The following DGKB variants were observed in gnomAD, a reference collection of about 807,000 sequenced individuals.
DGKB encodes the protein 90 kDa diacylglycerol kinase.
DGKB carries 67 observed loss-of-function variants against 114.3 expected under a neutral mutation model. The ratio of observed to expected loss-of-function variants is 0.59; its 90% CI spans 0.48 to 0.72. DGKB has a LOEUF of 0.72. Among genes scored for constraint, DGKB ranks in the 30% least tolerant of loss-of-function variants. DGKB has a pLI of 0.00. For synonymous variants in DGKB, 398 were observed against 323.1 expected (o/e 1.23, Z -2.49); for missense variants, 907 against 975.2 (o/e 0.93, Z 0.93).
chr7:14,889,250 A>AT (rs1780796101), intron 1 of DGKB, among the ~76,000 whole-genome samples: 1 of 151,652 alleles, frequency 6.6e-6, no homozygotes, highest in South Asian at 2.1e-4. Context: ...ACACAAGGGC[A>AT]TATCCAAAGT....
At chr7:14,385,053 G>T (rs12699613) in intron 21 of DGKB, among the ~76,000 whole-genome samples, 67,578 of 151,952 alleles carry the variant, frequency 0.44, 17,137 homozygotes, top group East Asian at 0.57. Flanking sequence ...CTTTCTTGGT[G>T]GTGGAGGTTT....
At chr7:14,234,004 A>G (rs1792350596) in intron 23 of DGKB, among the ~76,000 whole-genome samples, 1 of 152,072 alleles carries the variant, frequency 6.6e-6, no homozygotes, top group Admixed American at 6.6e-5. Context: ...AAATAGTCCC[A>G]AATGCCTGGA....
intron 20 of DGKB, among the ~76,000 whole-genome samples, chr7:14,572,048 C>A (rs943662531): frequency 1.3e-5 from 2 of 152,086 alleles, no homozygotes; most frequent in African/African-American, 4.8e-5. Context: ...AGGGAAATAA[C>A]AAGCAAACAA....
chr7:14,455,910 T>C (rs925677103), intron 21 of DGKB, among the ~76,000 whole-genome samples: 2 of 152,032 alleles, frequency 1.3e-5, no homozygotes, highest in Admixed American at 6.6e-5. Flanking sequence ...CACTAGTGTT[T>C]TGTGTTTATA....
At chr7:14,861,544 C>G (rs1481143604) in intron 1 of DGKB, among the ~76,000 whole-genome samples, 1 of 151,818 alleles carries the variant, frequency 6.6e-6, no homozygotes, top group Non-Finnish European at 1.5e-5. Context: ...TCCCTTGTAC[C>G]TGCTATGCAG....
chr7:14,434,241 A>G (rs1180138572), intron 21 of DGKB, among the ~76,000 whole-genome samples: 1 of 152,172 alleles, frequency 6.6e-6, no homozygotes, highest in Non-Finnish European at 1.5e-5. Context: ...TGTGTTAGGC[A>G]GAAAGTCCTT....
chr7:14,318,934 A>G (rs1352115692), intron 23 of DGKB, among the ~76,000 whole-genome samples: 1 of 152,196 alleles, frequency 6.6e-6, no homozygotes, highest in Non-Finnish European at 1.5e-5. Context: ...TGGCACATAT[A>G]CACCATGGAA....
intron 20 of DGKB, among the ~76,000 whole-genome samples, chr7:14,519,270 T>C (rs1455530634): frequency 6.6e-6 from 1 of 152,044 alleles, no homozygotes; most frequent in African/African-American, 2.4e-5. Context: ...ACCACCAGCC[T>C]CAGGCAACCT....
chr7:14,415,149 T>A (rs1825509979), intron 21 of DGKB, among the ~76,000 whole-genome samples: 1 of 151,928 alleles, frequency 6.6e-6, no homozygotes, highest in Non-Finnish European at 1.5e-5. Flanking sequence ...TATAAATATA[T>A]TTCTATTCCT....
chr7:14,278,431 G>A (rs966208175), intron 23 of DGKB, among the ~76,000 whole-genome samples: 53 of 152,276 alleles, frequency 3.5e-4, no homozygotes, highest in Non-Finnish European at 7.2e-4. Context: ...GGGAAACCCG[G>A]ATATCCACGT....
chr7:14,507,523 C>A lies in DGKB; in HGVS notation c.1771-29298G>T, dbSNP rs145002560. ...ACCATAAAGTATATGAAGATATTTTCATTTTGTATTACACTTTGCACAGAA... is the reference window on the plus strand; with the variant it reads ...ACCATAAAGTATATGAAGATATTTTAATTTTGTATTACACTTTGCACAGAA... On this transcript the variant is annotated intron_variant, in intron 20 of 25. Transcript: ENST00000402815. Among the ~76,000 whole-genome samples, 1,099 of 152,170 alleles carry A rather than the reference C, an allele frequency of 7.2e-3. 14 individuals carry two copies. Among genetic ancestry groups the A allele is most frequent in the Non-Finnish European group, 9.7e-3 (658 of 67,994 alleles).
At chr7:14,452,186 A>G (rs1831627350) in intron 21 of DGKB, among the ~76,000 whole-genome samples, 1 of 152,126 alleles carries the variant, frequency 6.6e-6, no homozygotes, top group Non-Finnish European at 1.5e-5. Context: ...AAATATCTCA[A>G]GAGCAAATAA....
chr7:14,500,433 G>T (rs1407288526), intron 20 of DGKB, among the ~76,000 whole-genome samples: 1 of 150,242 alleles, frequency 6.7e-6, no homozygotes. Flanking sequence ...CTGGAGTAAG[G>T]GTTTAAGATA....
chr7:14,597,567 T>A (rs1802800481), intron 17 of DGKB, among the ~76,000 whole-genome samples: 1 of 152,182 alleles, frequency 6.6e-6, no homozygotes, highest in African/African-American at 2.4e-5. Context: ...ATAATTCAAG[T>A]TGTAGATTTC....
chr7:14,428,852 A>G lies in DGKB; in HGVS notation c.1835+49309T>C, dbSNP rs1827989736. On this transcript the variant is annotated intron_variant, in intron 21 of 25. Coordinates refer to ENST00000402815, the MANE Select transcript of DGKB (RefSeq NM_001350709.2). ...ACCCATGCTCATTCAGATGCTAGGA[A>G]AACAGGCTGAAAAGAGCAGAGAACA... Among the ~76,000 whole-genome samples, 2 of 152,132 alleles carry G rather than the reference A, an allele frequency of 1.3e-5. 1 individual carries two copies. Among genetic ancestry groups the G allele is most frequent in the South Asian group, 4.1e-4 (2 of 4,820 alleles).
intron 15 of DGKB, 189 bp downstream of exon 15, chr7:14,621,189 A>G: frequency 2.1e-6 from 1 of 486,942 alleles, no homozygotes; most frequent in East Asian, 3.6e-5. Context: ...GATTAATTTA[A>G]CCAGAATGTT....
intron 1 of DGKB, among the ~76,000 whole-genome samples, chr7:14,863,268 TTAATA>T (rs1851249712): frequency 6.6e-6 from 1 of 151,658 alleles, no homozygotes; most frequent in Non-Finnish European, 1.5e-5. Flanking sequence ...ACCAATTTTC[TTAATA>T]TAATAGTTTA....
intron 23 of DGKB, among the ~76,000 whole-genome samples, chr7:14,270,768 G>C (rs986898876): frequency 7.9e-5 from 12 of 152,308 alleles, no homozygotes; most frequent in African/African-American, 2.9e-4. Flanking sequence ...GTGAAGCCCT[G>C]TGCTGGAATT....
chr7:14,480,335 G>C (rs1409620766), intron 20 of DGKB, among the ~76,000 whole-genome samples: 1 of 152,084 alleles, frequency 6.6e-6, no homozygotes, highest in Non-Finnish European at 1.5e-5. Flanking sequence ...ACACTAGCAG[G>C]TCTTTTCCTT....
Sources: allele counts gnomAD v4.1 joint callset (sites outside exome capture counted in the v4.1 genomes callset), GRCh38; gene constraint gnomAD v4.1.1; transcripts MANE v1.5; gene names NCBI Gene and HGNC (gene_info 2026-07-23, HGNC 2026-07-21).